KCNK13: variants seen among roughly 807,000 people sequenced by gnomAD.
KCNK13 encodes the protein potassium two pore domain channel subfamily K member 13, also known as potassium channel subfamily K member 13.
A neutral mutation model predicts 23.4 loss-of-function variants in KCNK13; 12 were observed. The ratio of observed to expected loss-of-function variants is 0.51; its 90% CI spans 0.33 to 0.83. The LOEUF (loss-of-function observed/expected upper bound fraction) is 0.83. Among genes scored for constraint, KCNK13 ranks in the 40% least tolerant of loss-of-function variants. The pLI is 0.02. For missense variants in KCNK13, 463 were observed against 556.3 expected, an observed-to-expected ratio of 0.83 and a Z score of 1.69; for synonymous variants, 231 against 229.5, an observed-to-expected ratio of 1.01 and a Z score of -0.06.
intron 1 of KCNK13, among the ~76,000 whole-genome samples, chr14:90,083,205 T>A (rs189652970): frequency 6.6e-6 from 1 of 152,352 alleles, no homozygotes; most frequent in African/African-American, 2.4e-5. Context: ...CCCCCTTCTG[T>A]GGGTGTCTTT....
intron 1 of KCNK13, among the ~76,000 whole-genome samples, chr14:90,107,129 C>T (rs376867787): frequency 6.6e-6 from 1 of 152,118 alleles, no homozygotes; most frequent in Admixed American, 6.5e-5. Flanking sequence ...TACCACACAC[C>T]ACCGCTTTAC....
At chr14:90,148,401 G>A (rs1468578051) in intron 1 of KCNK13, among the ~76,000 whole-genome samples, 1 of 152,210 alleles carries the variant, frequency 6.6e-6, no homozygotes, top group East Asian at 1.9e-4. Flanking sequence ...GGCCCATCAT[G>A]GCCCAGAAGG....
intron 1 of KCNK13, among the ~76,000 whole-genome samples, chr14:90,072,022 C>G (rs1431793331): frequency 6.6e-6 from 1 of 152,092 alleles, no homozygotes; most frequent in Non-Finnish European, 1.5e-5. Context: ...GTGTTCAGAC[C>G]CAGAAGCACG....
chr14:90,108,160 G>T (rs1889569332), intron 1 of KCNK13, among the ~76,000 whole-genome samples: 1 of 152,206 alleles, frequency 6.6e-6, no homozygotes, highest in Non-Finnish European at 1.5e-5. Flanking sequence ...ACGGGGCCAA[G>T]AAGGTTGATG....
intron 1 of KCNK13, among the ~76,000 whole-genome samples, chr14:90,163,020 A>C (rs961783940): frequency 6.6e-6 from 1 of 152,246 alleles, no homozygotes; most frequent in African/African-American, 2.4e-5. Flanking sequence ...TAAACACATG[A>C]AAAATGTAGG....
At chr14:90,172,221 G>C (rs1890372389) in intron 1 of KCNK13, among the ~76,000 whole-genome samples, 1 of 151,612 alleles carries the variant, frequency 6.6e-6, no homozygotes, top group South Asian at 2.1e-4. Flanking sequence ...GGAGGTTGAG[G>C]CAGGAGAATT....
chr14:90,072,092 C>T (rs1034077724), intron 1 of KCNK13, among the ~76,000 whole-genome samples: 11 of 152,270 alleles, frequency 7.2e-5, no homozygotes, highest in Admixed American at 2.6e-4. Context: ...TGTCACAACC[C>T]GGCCCTCCCT....
At chr14:90,117,243 A>G (rs1053649932) in intron 1 of KCNK13, among the ~76,000 whole-genome samples, 1 of 152,168 alleles carries the variant, frequency 6.6e-6, no homozygotes, top group African/African-American at 2.4e-5. Context: ...AGTGAGACAG[A>G]GTGGGACAGT....
intron 1 of KCNK13, among the ~76,000 whole-genome samples, chr14:90,144,673 G>C (rs1890053484): frequency 6.6e-6 from 1 of 151,694 alleles, no homozygotes; most frequent in South Asian, 2.1e-4. Flanking sequence ...TTGCCTGGCT[G>C]GTCTCAAACT....
intron 1 of KCNK13, among the ~76,000 whole-genome samples, chr14:90,123,978 A>T (rs1889768199): frequency 1.3e-5 from 2 of 152,144 alleles, no homozygotes; most frequent in African/African-American, 4.8e-5. Context: ...CTTGGCATAG[A>T]TATTTTGTAA....
intron 1 of KCNK13, among the ~76,000 whole-genome samples, chr14:90,087,613 C>T (rs897499356): frequency 2.0e-5 from 3 of 152,166 alleles, no homozygotes; most frequent in East Asian, 1.9e-4. Flanking sequence ...GCAACACTCT[C>T]GTTGCTCAAT....
chr14:90,077,418 G>T (rs1889153277), intron 1 of KCNK13, among the ~76,000 whole-genome samples: 1 of 152,196 alleles, frequency 6.6e-6, no homozygotes, highest in African/African-American at 2.4e-5. Context: ...ACCATGCCCG[G>T]CCAATCCTGG....
chr14:90,133,998 G>T (rs1872114783), intron 1 of KCNK13, among the ~76,000 whole-genome samples: 1 of 152,136 alleles, frequency 6.6e-6, no homozygotes, highest in Non-Finnish European at 1.5e-5. Flanking sequence ...CCAATTATGT[G>T]TATCAAGTCC....
chr14:90,099,316 C>T (rs11159948), intron 1 of KCNK13, among the ~76,000 whole-genome samples: 21,049 of 152,060 alleles, frequency 0.14, 1,754 homozygotes, highest in East Asian at 0.27. Flanking sequence ...GAGTAACGGC[C>T]GGTGTAGAGG....
intron 1 of KCNK13, among the ~76,000 whole-genome samples, chr14:90,158,205 G>C (rs1890216410): frequency 6.6e-6 from 1 of 152,182 alleles, no homozygotes; most frequent in Admixed American, 6.5e-5. Flanking sequence ...AGGGCCTCCT[G>C]TGAGAAGCTG....
At chr14:90,086,984 C>T (rs1184221319) in intron 1 of KCNK13, among the ~76,000 whole-genome samples, 1 of 151,718 alleles carries the variant, frequency 6.6e-6, no homozygotes, top group Non-Finnish European at 1.5e-5. Context: ...GTAGCTTTGG[C>T]ACCAGTGAAA....
At chr14:90,161,446 A>G (rs997689553) in intron 1 of KCNK13, among the ~76,000 whole-genome samples, 33 of 152,210 alleles carry the variant, frequency 2.2e-4, no homozygotes, top group African/African-American at 7.7e-4. Context: ...GGCAAATTTT[A>G]TATGTATTTT....
chr14:90,183,106 T>A (rs1427806132), intron 1 of KCNK13, among the ~76,000 whole-genome samples: 1 of 152,176 alleles, frequency 6.6e-6, no homozygotes, highest in Non-Finnish European at 1.5e-5. Context: ...CTTAGTAACA[T>A]CCATTGTTCT....
chr14:90,062,427 C>A lies in KCNK13; in HGVS notation c.222C>A (p.Phe74Leu). 7 of 1,546,852 alleles carry A rather than the reference C, an allele frequency of 4.5e-6. No homozygotes were observed. The highest frequency in any genetic ancestry group is 5.2e-6 in the Non-Finnish European group (6 of 1,145,662). The change falls in exon 1 of 2, where the codon TTC (phenylalanine) becomes TTA (leucine). Residue 74 changes from phenylalanine to leucine, a missense_variant. By Grantham distance (22) the Phe-to-Leu change is conservative. This residue lies in a region of KCNK13 where 153 missense variants were observed against 153.6 expected (regional missense o/e 1.00). Coordinates refer to ENST00000282146, the MANE Select transcript of KCNK13 (RefSeq NM_022054.4). The surrounding 1 kb of genome is among the most constrained non-coding windows in gnomAD (Gnocchi z 4.5). Reference sequence around the variant, plus strand: ...TGAGCCGCGACGAGCTGCGCGGCTTCCTCCGCCACTACGAGGAGGCCACTC... The same window carrying A: ...TGAGCCGCGACGAGCTGCGCGGCTTACTCCGCCACTACGAGGAGGCCACTC... Reference protein sequence around the residue: ...HNLSRDELRGFLRHYEEATRA... With the variant: ...HNLSRDELRGLLRHYEEATRA...
Sources: allele counts gnomAD v4.1 joint callset (sites outside exome capture counted in the v4.1 genomes callset), GRCh38; gene constraint gnomAD v4.1.1; regional missense constraint gnomAD v4.1.1; non-coding constraint Gnocchi (gnomAD v3.1); transcripts MANE v1.5; gene names NCBI Gene and HGNC (gene_info 2026-07-23, HGNC 2026-07-21).